Variants in RAPGEF6 observed in about 807,000 individuals in gnomAD.
RAPGEF6 encodes PDZ domain containing guanine nucleotide exchange factor (GEF) 2.
A neutral mutation model predicts 171.4 loss-of-function variants in RAPGEF6; 56 were observed. That is an observed-to-expected ratio of 0.33 (90% CI 0.26 to 0.41). The LOEUF is 0.41. Among genes scored for constraint, RAPGEF6 ranks in the 10% least tolerant of loss-of-function variants. The probability of loss-of-function intolerance (pLI) is 1.00; values close to 1 mark genes in which losing one functional copy is unlikely to be tolerated. For missense variants in RAPGEF6, 1,674 were observed against 1,921.4 expected (o/e 0.87, Z 2.41); for synonymous variants, 692 against 650.1 (o/e 1.06, Z -0.98).
Position 131,462,063 on chromosome 5 carries a change from T to C in RAPGEF6, c.2506A>G (p.Thr836Ala), listed in dbSNP as rs771622609. ...GRYYLKNNMETETLCSDEDAQ... is the reference protein window; with the variant it reads ...GRYYLKNNMEAETLCSDEDAQ... ...TCTTCATCTGAACATAAGGTTTCTGTTTCCATGTTATTTTTTAAGTAATAC... is the reference window on the plus strand; with the variant it reads ...TCTTCATCTGAACATAAGGTTTCTGCTTCCATGTTATTTTTTAAGTAATAC... The change falls in exon 19 of 28, where the codon ACA becomes GCA. Residue 836 changes from threonine to alanine, a missense_variant. By Grantham distance (58) the Thr-to-Ala change is moderately conservative. This residue lies in a region of RAPGEF6 where 1,116 missense variants were observed against 1,321.5 expected (regional missense o/e 0.84). Coordinates refer to ENST00000509018, the MANE Select transcript of RAPGEF6 (RefSeq NM_016340.6). The C allele has an allele frequency of 1.3e-6, 2 of 1,557,802 alleles. No homozygotes were observed. Among genetic ancestry groups the C allele is most frequent in the South Asian group, 1.2e-5 (1 of 81,102 alleles).
intron 17 of RAPGEF6, among the ~76,000 whole-genome samples, chr5:131,471,194 T>C (rs914235563): frequency 2.0e-5 from 3 of 152,194 alleles, no homozygotes; most frequent in Non-Finnish European, 4.4e-5. Context: ...ACAAATGTCT[T>C]AGGAAAGTAA....
intron 1 of RAPGEF6, among the ~76,000 whole-genome samples, chr5:131,618,397 A>G (rs1208272686): frequency 6.6e-6 from 1 of 152,122 alleles, no homozygotes; most frequent in East Asian, 1.9e-4. Flanking sequence ...TTGGGAGGTC[A>G]AGGTGAGAGG....
At chr5:131,573,789 C>T (rs1241806974) in intron 4 of RAPGEF6, among the ~76,000 whole-genome samples, 1 of 152,158 alleles carries the variant, frequency 6.6e-6, no homozygotes, top group Non-Finnish European at 1.5e-5. Flanking sequence ...CAGTTCATGG[C>T]CCACTTAGCA....
At chr5:131,624,382 G>A (rs1317190332) in intron 1 of RAPGEF6, among the ~76,000 whole-genome samples, 2 of 152,194 alleles carry the variant, frequency 1.3e-5, no homozygotes, top group Non-Finnish European at 2.9e-5. Flanking sequence ...AGGATATAAA[G>A]GATAGATAAT....
chr5:131,526,962 G>A (rs543634673), intron 6 of RAPGEF6, among the ~76,000 whole-genome samples: 1 of 152,114 alleles, frequency 6.6e-6, no homozygotes, highest in Admixed American at 6.5e-5. Flanking sequence ...GGAAAGAGAG[G>A]TATTGAGAAA....
chr5:131,550,975 G>A lies in RAPGEF6; in HGVS notation c.352-2785C>T, dbSNP rs184272958. Reference sequence around the variant, plus strand: ...TAACAAGTTCTCTAAGGCAGGAACCGTATTATGTAATATTATATTCATCTT... The same window carrying A: ...TAACAAGTTCTCTAAGGCAGGAACCATATTATGTAATATTATATTCATCTT... On this transcript the variant is annotated intron_variant, in intron 5 of 27. Coordinates refer to ENST00000509018, the MANE Select transcript of RAPGEF6 (RefSeq NM_016340.6). 5.3e-4 allele frequency among the ~76,000 whole-genome samples: 81 copies of A among 152,266 alleles called. 2 individuals are homozygous for A. In the East Asian group the frequency reaches 0.014, roughly 27 times the overall value.
At chr5:131,516,977 T>C (rs1298401789) in intron 7 of RAPGEF6, among the ~76,000 whole-genome samples, 2 of 152,190 alleles carry the variant, frequency 1.3e-5, no homozygotes, top group Admixed American at 1.3e-4. Context: ...CATTTGGCCA[T>C]ATAAAACAGT....
Position 131,442,533 on chromosome 5 carries a change from G to T in RAPGEF6, c.3426C>A (p.Thr1142=), listed in dbSNP as rs767192131. The part of the protein sequence containing the change: ...LQWEPAYGTL[T]KNLSEKRSAK... ...CTGATCTTTTCTCACTTAAATTCTT[G>T]GTCACTAACAGGAGAGAGTAAGAAA... is the stretch of plus-strand genomic sequence containing the variant. The change falls in exon 23 of 28, where the codon ACC becomes ACA. Residue 1142 remains threonine, a synonymous_variant. Coordinates refer to ENST00000509018, the MANE Select transcript of RAPGEF6 (RefSeq NM_016340.6). 1.6e-5 allele frequency: 26 copies of T among 1,613,220 alleles called. 1 individual carries two copies. The South Asian group carries it at 2.9e-4, about 18-fold the overall frequency.
At chr5:131,609,695 T>C (rs982680777) in intron 1 of RAPGEF6, among the ~76,000 whole-genome samples, 1 of 152,216 alleles carries the variant, frequency 6.6e-6, no homozygotes, top group Non-Finnish European at 1.5e-5. Flanking sequence ...ATGATCCTAT[T>C]ATTCAAGAAG....
At chr5:131,596,617 T>C (rs1165704882) in intron 3 of RAPGEF6, among the ~76,000 whole-genome samples, 3 of 152,038 alleles carry the variant, frequency 2.0e-5, no homozygotes, top group Non-Finnish European at 4.4e-5. Flanking sequence ...GCAGAATGGA[T>C]ATCCCAGAAT....
At chr5:131,483,264 G>T (rs1475987938) in intron 15 of RAPGEF6, among the ~76,000 whole-genome samples, 2 of 149,314 alleles carry the variant, frequency 1.3e-5, no homozygotes, top group Non-Finnish European at 3.0e-5. Context: ...CAGTAGAATC[G>T]CTTGAACCTG....
Position 131,521,883 on chromosome 5 carries a change from ACACACACACTCT to A in RAPGEF6, c.496-374_496-363del, listed in dbSNP as rs1190774642. On this transcript the variant is annotated intron_variant, in intron 6 of 27. Coordinates refer to ENST00000509018, the MANE Select transcript of RAPGEF6 (RefSeq NM_016340.6). ...CACACACACACACACACACACACAC[ACACACACACTCT>A]CTCTCTCTCTCACACACACACTCAC... 1.7e-3 allele frequency among the ~76,000 whole-genome samples: 215 copies of A among 126,102 alleles called. 2 individuals carry two copies. Among genetic ancestry groups the A allele is most frequent in the South Asian group, 4.5e-3 (18 of 3,992 alleles). The allele number at this position is 126,102 out of a possible 152,430, so 82.7% of individuals were successfully genotyped here.
intron 17 of RAPGEF6, among the ~76,000 whole-genome samples, chr5:131,471,769 C>A (rs190556874): frequency 1.1e-3 from 174 of 152,244 alleles, no homozygotes; most frequent in African/African-American, 4.1e-3. Context: ...ACATCCCACA[C>A]TGGAAGTCCA....
At chr5:131,516,553 A>C (rs1580952614) in intron 7 of RAPGEF6, among the ~76,000 whole-genome samples, 1 of 152,326 alleles carries the variant, frequency 6.6e-6, no homozygotes, top group Non-Finnish European at 1.5e-5. Context: ...ATAGAAACTG[A>C]AAAGGTAGGT....
chr5:131,566,735 CTTT>C (rs544613086), intron 4 of RAPGEF6, among the ~76,000 whole-genome samples: 1 of 143,232 alleles, frequency 7.0e-6, no homozygotes, highest in African/African-American at 2.5e-5. Flanking sequence ...GTTTCTTTTT[CTTT>C]TTTTTTTTTG....
intron 1 of RAPGEF6, among the ~76,000 whole-genome samples, chr5:131,624,369 G>T (rs1162629130): frequency 6.6e-6 from 1 of 152,192 alleles, no homozygotes; most frequent in African/African-American, 2.4e-5. Flanking sequence ...AGATTTTAGT[G>T]TCAGGATATA....
At chr5:131,462,432 T>C (rs563852001) in intron 18 of RAPGEF6, among the ~76,000 whole-genome samples, 126 of 152,340 alleles carry the variant, frequency 8.3e-4, no homozygotes, top group African/African-American at 2.8e-3. Context: ...TGGTACTATG[T>C]AAATATTTGT....
chr5:131,549,646 G>T (rs190152707), intron 5 of RAPGEF6, among the ~76,000 whole-genome samples: 1 of 151,652 alleles, frequency 6.6e-6, no homozygotes, highest in African/African-American at 2.4e-5. Context: ...AGGAGTTAAC[G>T]TCCAGCCTGG....
intron 7 of RAPGEF6, 127 bp downstream of exon 7, chr5:131,521,263 T>G: frequency 9.9e-7 from 1 of 1,013,212 alleles, no homozygotes; most frequent in Non-Finnish European, 1.4e-6. Flanking sequence ...ATAAAGCTTA[T>G]TTTTCTAAAG....
Sources: allele counts gnomAD v4.1 joint callset (sites outside exome capture counted in the v4.1 genomes callset), GRCh38; gene constraint gnomAD v4.1.1; regional missense constraint gnomAD v4.1.1; transcripts MANE v1.5; gene names NCBI Gene and HGNC (gene_info 2026-07-23, HGNC 2026-07-21).